CCDC85C: variants seen among roughly 807,000 people sequenced by gnomAD.
The protein encoded by CCDC85C is coiled-coil domain containing 85C.
In CCDC85C, 18 loss-of-function variants were observed where a neutral mutation model predicts 38.3. That is an observed-to-expected ratio of 0.47 (90% CI 0.33 to 0.70). The LOEUF is 0.70. Among genes scored for constraint, CCDC85C ranks in the 30% least tolerant of loss-of-function variants. The pLI, the probability that CCDC85C is intolerant of heterozygous loss-of-function variation, is 0.03. For synonymous variants in CCDC85C, 264 were observed against 293.8 expected, an observed-to-expected ratio of 0.90 and a Z score of 1.04; for missense variants, 566 against 621.2, an observed-to-expected ratio of 0.91 and a Z score of 0.94.
chr14:99,583,732 TG>T (rs1234777280), intron 1 of CCDC85C, among the ~76,000 whole-genome samples: 1 of 148,834 alleles, frequency 6.7e-6, no homozygotes, highest in Non-Finnish European at 1.5e-5. Flanking sequence ...CACTTGAACC[TG>T]GGAGGCAGAG....
At chr14:99,551,971 C>T (rs979721520) in intron 1 of CCDC85C, among the ~76,000 whole-genome samples, 1 of 152,206 alleles carries the variant, frequency 6.6e-6, no homozygotes, top group Admixed American at 6.5e-5. Context: ...AATTCCAGGC[C>T]CCGGGCCCAT....
intron 2 of CCDC85C, chr14:99,522,449 T>C (rs1400608393): frequency 6.0e-6 from 3 of 501,216 alleles, no homozygotes; most frequent in African/African-American, 3.9e-5. Flanking sequence ...CGATCCACTC[T>C]CCAACGTGGG....
Position 99,515,186 on chromosome 14 carries a change from G to T in CCDC85C, c.*60C>A. The T allele has an allele frequency of 1.6e-6, 2 of 1,261,860 alleles. No homozygotes were observed. Among genetic ancestry groups the T allele is most frequent in the Non-Finnish European group, 1.1e-6 (1 of 892,864 alleles). The allele number at this position is 1,261,860 out of a possible 1,614,324, so 78.2% of individuals were successfully genotyped here. On this transcript the variant is annotated 3_prime_UTR_variant, in exon 6 of 6. Coordinates refer to ENST00000380243, the MANE Select transcript of CCDC85C (RefSeq NM_001144995.2). ...GCTGGAGGTCCTGCCCGTGTCTGGG[G>T]CCTGAAACTCCCCCTGGGGACCCCC...
rs1018913773 is a variant in CCDC85C, at chr14:99,502,077, A to G, written c.*13169T>C. On this transcript the variant is annotated 3_prime_UTR_variant, in exon 6 of 6. Coordinates refer to ENST00000380243, the MANE Select transcript of CCDC85C (RefSeq NM_001144995.2). ...GAAGAGTAAAGACTTGAGTTTATTT[A>G]TTTATAGTACTTTAATTAAATTTAG... 2.9e-6 allele frequency: 3 copies of G among 1,023,510 alleles called. No homozygotes were observed. In the African/African-American group the frequency reaches 4.9e-5, roughly 17 times the overall value. The allele number at this position is 1,023,510 out of a possible 1,614,324, so 63.4% of individuals were successfully genotyped here. A position where few individuals can be genotyped will look rare whatever the true frequency, so the allele number is the denominator to read the frequency against.
At chr14:99,602,296 T>C (rs1052955703) in intron 1 of CCDC85C, among the ~76,000 whole-genome samples, 3 of 152,214 alleles carry the variant, frequency 2.0e-5, no homozygotes, top group African/African-American at 7.2e-5. Flanking sequence ...CCCTCTGCAC[T>C]GGGCGCAGCA....
Position 99,516,940 on chromosome 14 carries a change from C to G in CCDC85C, c.1071+148G>C. 2 of 738,572 alleles carry G rather than the reference C, an allele frequency of 2.7e-6. No homozygotes were observed. Among genetic ancestry groups the G allele is most frequent in the Admixed American group, 4.2e-5 (2 of 47,776 alleles). 45.8% of individuals were successfully genotyped at this position (738,572 alleles called of 1,614,324 possible). A position where few individuals can be genotyped will look rare whatever the true frequency, so the allele number is the denominator to read the frequency against. On this transcript the variant is annotated intron_variant, in intron 4 of 5. Coordinates refer to ENST00000380243, the MANE Select transcript of CCDC85C (RefSeq NM_001144995.2). This position sits in a 1 kb window ranked among gnomAD's most constrained non-coding sequence, Gnocchi z 5.5. ...CACCTCTGAGTTCAACCTCACAGTGCTCCAGGCAGCCATGGTCACCCAGCC... is the reference window on the plus strand; with the variant it reads ...CACCTCTGAGTTCAACCTCACAGTGGTCCAGGCAGCCATGGTCACCCAGCC...
intron 1 of CCDC85C, among the ~76,000 whole-genome samples, chr14:99,589,664 C>T (rs569364823): frequency 1.3e-5 from 2 of 152,334 alleles, no homozygotes; most frequent in South Asian, 2.1e-4. Flanking sequence ...TCTGTAGATG[C>T]ACTGGCTGAT....
In CCDC85C at chr14:99,514,486, A is replaced by G. The variant is rs994418423; in HGVS notation, c.*760T>C. The G allele has an allele frequency of 4.6e-5, 7 of 152,262 alleles. No homozygotes were observed. The highest frequency in any genetic ancestry group is 1.7e-4 in the African/African-American group (7 of 41,416). The allele number at this position is 152,262 out of a possible 1,614,324, so 9.4% of individuals were successfully genotyped here. On this transcript the variant is annotated 3_prime_UTR_variant, in exon 6 of 6. Coordinates refer to ENST00000380243, the MANE Select transcript of CCDC85C (RefSeq NM_001144995.2). ...TTACTGGCCTGTCATGTAAACCACG[A>G]AAAGGGACGTGCCTCAGGCATGGGG...
At chr14:99,534,316 A>G (rs1451661420) in intron 2 of CCDC85C, among the ~76,000 whole-genome samples, 1 of 151,932 alleles carries the variant, frequency 6.6e-6, no homozygotes, top group Non-Finnish European at 1.5e-5. Flanking sequence ...AGATCACGCC[A>G]TTGTAATCCA....
chr14:99,593,855 G>C (rs1368386215), intron 1 of CCDC85C, among the ~76,000 whole-genome samples: 3 of 152,186 alleles, frequency 2.0e-5, no homozygotes, highest in African/African-American at 7.2e-5. Context: ...GGCTGGGCAC[G>C]GGCACTGGTA....
At position 99,536,016 on chromosome 14, in the gene CCDC85C, T is replaced by A; in HGVS notation, c.866A>T (p.Gln289Leu). The change falls in exon 2 of 6, where the codon CAG becomes CTG. Residue 289 changes from glutamine (Q) to leucine (L), a missense_variant and splice_region_variant. By Grantham distance (113) the Gln-to-Leu change is moderately radical. Transcript: ENST00000380243. ...RLLEGDKLLA[Q>L]QAGSGEFRTL... The stretch of plus-strand genomic sequence containing the variant: ...CAGCGCCACCCGAAGCCGGCCTACC[T>A]GTGCGAGGAGCTTGTCACCCTCCAG... The A allele has an allele frequency of 6.4e-7, 1 of 1,551,218 alleles. No homozygotes were observed. The highest frequency in any genetic ancestry group is 8.7e-7 in the Non-Finnish European group (1 of 1,146,730).
At chr14:99,590,054 A>G (rs1045337164) in intron 1 of CCDC85C, among the ~76,000 whole-genome samples, 14 of 152,220 alleles carry the variant, frequency 9.2e-5, no homozygotes, top group Non-Finnish European at 4.4e-5. Flanking sequence ...CACACTTCAC[A>G]GCAGATCATG....
intron 1 of CCDC85C, among the ~76,000 whole-genome samples, chr14:99,584,556 A>T (rs958794723): frequency 2.6e-5 from 4 of 152,188 alleles, no homozygotes; most frequent in Non-Finnish European, 4.4e-5. Flanking sequence ...GTGTCATGTT[A>T]CGTCAGGAGA....
At chr14:99,584,817 G>T (rs2055010124) in intron 1 of CCDC85C, among the ~76,000 whole-genome samples, 5 of 152,232 alleles carry the variant, frequency 3.3e-5, no homozygotes, top group African/African-American at 1.2e-4. Flanking sequence ...TTGGGGCTGG[G>T]CGCAGTGGAC....
At chr14:99,537,998 C>T (rs147357621) in intron 1 of CCDC85C, among the ~76,000 whole-genome samples, 1 of 152,314 alleles carries the variant, frequency 6.6e-6, no homozygotes, top group Non-Finnish European at 1.5e-5. Flanking sequence ...GAGACCCTTC[C>T]GGCTCCCTCA....
rs1278070178 is a variant in CCDC85C at position 99,558,702 on chromosome 14, G to A, written c.794-22614C>T. Among the ~76,000 whole-genome samples, 1 of 152,214 alleles carries A rather than the reference G, an allele frequency of 6.6e-6. No homozygotes were observed. The highest frequency in any genetic ancestry group is 1.5e-5 in the Non-Finnish European group (1 of 68,054). ...ACAGAAAAGGGCAAATGGAAACAGA[G>A]GAGGCCGGATGGAAAGAAAGGCAGA... On this transcript the variant is annotated intron_variant, in intron 1 of 5. Coordinates refer to ENST00000380243, the MANE Select transcript of CCDC85C (RefSeq NM_001144995.2). The surrounding 1 kb of genome is among the most constrained non-coding windows in gnomAD (Gnocchi z 4.2).
In CCDC85C at chr14:99,501,561, C is replaced by A; in HGVS notation, c.*13685G>T. 1.6e-6 allele frequency: 1 copy of A among 607,720 alleles called. No homozygotes were observed. The highest frequency in any genetic ancestry group is 3.0e-5 in the Admixed American group (1 of 33,108). The allele number at this position is 607,720 out of a possible 1,614,324, so 37.6% of individuals were successfully genotyped here. On this transcript the variant is annotated 3_prime_UTR_variant, in exon 6 of 6. Transcript: ENST00000380243. ...CAGTTAATGGCAAAGCTGGGGCTGA[C>A]GTCCAGGTCATCTGCTTCCCGGCAG... is the stretch of plus-strand genomic sequence containing the variant.
At chr14:99,571,014 C>T (rs1225598210) in intron 1 of CCDC85C, among the ~76,000 whole-genome samples, 16 of 152,126 alleles carry the variant, frequency 1.1e-4, no homozygotes, top group Admixed American at 9.8e-4. Context: ...GAGCTTCCCC[C>T]ACTCCCACCT....
intron 1 of CCDC85C, among the ~76,000 whole-genome samples, chr14:99,547,826 G>A (rs1387878563): frequency 2.0e-5 from 3 of 150,958 alleles, no homozygotes; most frequent in Admixed American, 2.0e-4. Context: ...ATATATTTAT[G>A]GGTATATGTG....
Sources: gnomAD v4.1 joint callset for allele counts (sites outside exome capture counted in the v4.1 genomes callset) on GRCh38, gnomAD v4.1.1 for gene constraint, Gnocchi (gnomAD v3.1) non-coding constraint, MANE v1.5 for transcripts, NCBI Gene and HGNC (gene_info 2026-07-23, HGNC 2026-07-21) for gene names.